The following LDHA variants were observed in gnomAD, a reference collection of about 807,000 sequenced individuals.
LDHA encodes the protein lactate dehydrogenase A.
In LDHA, 10 loss-of-function variants were observed where a neutral mutation model predicts 36.3. The ratio of observed to expected loss-of-function variants is 0.28; its 90% CI spans 0.17 to 0.47. The LOEUF (loss-of-function observed/expected upper bound fraction) is 0.47. Among genes scored for constraint, LDHA ranks in the 20% least tolerant of loss-of-function variants. LDHA has a pLI of 0.99. For missense variants in LDHA, 267 were observed against 405.8 expected, an observed-to-expected ratio of 0.66 and a Z score of 2.94; for synonymous variants, 110 against 136.7, an observed-to-expected ratio of 0.80 and a Z score of 1.36.
chr11:18,405,331 G>GTA, intron 6 of LDHA, 118 bp from the exon 7 acceptor site: 2 of 1,009,382 alleles, frequency 2.0e-6, no homozygotes, highest in Non-Finnish European at 3.1e-6. Context: ...GTTATTCTTG[G>GTA]TATAATGCAA....
chr11:18,406,851 T>G, intron 7 of LDHA: 1 of 369,132 alleles, frequency 2.7e-6, no homozygotes, highest in South Asian at 2.7e-5. Flanking sequence ...CCATCTGTAC[T>G]AAACATACAA....
chr11:18,403,872 G>T, intron 6 of LDHA, 61 bp downstream of exon 6: 1 of 993,036 alleles, frequency 1.0e-6, no homozygotes, highest in Non-Finnish European at 1.6e-6. Flanking sequence ...TATTTAAAAG[G>T]TTAAAATTGT....
At position 18,408,396 on chromosome 11, in the gene LDHA, A is replaced by G. The variant is rs1036588178; in HGVS notation, c.*1115A>G. 1 of 347,436 alleles carries G rather than the reference A, an allele frequency of 2.9e-6. No homozygotes were observed. Among genetic ancestry groups the G allele is most frequent in the South Asian group, 2.3e-5 (1 of 43,612 alleles). 21.5% of individuals were successfully genotyped at this position (347,436 alleles called of 1,614,324 possible). A position where few individuals can be genotyped will look rare whatever the true frequency, so the allele number is the denominator to read the frequency against. ...GGATGTCTACTCAAGTTTTCTGCAC[A>G]TTTTTCTGAAAATACAACTGTGACC... is the stretch of plus-strand genomic sequence containing the variant. On this transcript the variant is annotated 3_prime_UTR_variant, in exon 8 of 8. Coordinates refer to ENST00000422447, the MANE Select transcript of LDHA (RefSeq NM_005566.4).
Position 18,402,991 on chromosome 11 carries a change from T to C in LDHA, c.570T>C (p.Leu190=), listed in dbSNP as rs1221004897. The change falls in exon 5 of 8, where the codon CTT becomes CTC. Residue 190 remains leucine, a synonymous_variant. Transcript: ENST00000422447. The stretch of plus-strand genomic sequence containing the variant: ...CATTAAGCTGTCATGGGTGGGTCCT[T>C]GGGGAACATGGAGATTCCAGTGGTA... ...VHPLSCHGWV[L]GEHGDSSVPV... 5 of 1,613,464 alleles carry C rather than the reference T, an allele frequency of 3.1e-6. No homozygotes were observed. In the Admixed American group the frequency reaches 8.3e-5, roughly 27 times the overall value.
chr11:18,408,409 T>TA lies in LDHA; in HGVS notation c.*1129dup, dbSNP rs1432932725. ...AGTTTTCTGCACATTTTTCTGAAAA[T>TA]ACAACTGTGACCCTTATCCAGGCCT... is the stretch of plus-strand genomic sequence containing the variant. On this transcript the variant is annotated 3_prime_UTR_variant, in exon 8 of 8. Transcript: ENST00000422447. 2 of 347,758 alleles carry TA rather than the reference T, an allele frequency of 5.8e-6. No individual in the cohort carries two copies. Among genetic ancestry groups the TA allele is most frequent in the Non-Finnish European group, 1.1e-5 (2 of 178,476 alleles). The allele number at this position is 347,758 out of a possible 1,614,324, so 21.5% of individuals were successfully genotyped here. A position where few individuals can be genotyped will look rare whatever the true frequency, so the allele number is the denominator to read the frequency against.
intron 1 of LDHA, chr11:18,396,280 A>G (rs1050315915): frequency 4.7e-5 from 17 of 362,688 alleles, no homozygotes; most frequent in Admixed American, 9.3e-5. Flanking sequence ...GCGGGGCGTA[A>G]AAGCCGGGCG....
rs1278954062 is a variant in LDHA, at chr11:18,407,979, T to C, written c.*698T>C. The C allele has an allele frequency of 2.2e-6, 1 of 454,142 alleles. No homozygotes were observed. The highest frequency in any genetic ancestry group is 1.6e-5 in the South Asian group (1 of 64,482). The allele number at this position is 454,142 out of a possible 1,614,324, so 28.1% of individuals were successfully genotyped here. ...TTCTAACAGGGATATTATTGACTAA[T>C]AGCAGAGGATGTAATAGTCAACTGA... On this transcript the variant is annotated 3_prime_UTR_variant, in exon 8 of 8. Transcript: ENST00000422447.
intron 2 of LDHA, chr11:18,397,170 G>T: frequency 1.9e-6 from 1 of 532,044 alleles, no homozygotes; most frequent in Non-Finnish European, 3.3e-6. Flanking sequence ...ATCAAAGGTT[G>T]TCAGGCTGGA....
intron 1 of LDHA, 162 bp from the exon 2 acceptor site, chr11:18,396,655 ACT>A: frequency 7.2e-7 from 1 of 1,393,624 alleles, no homozygotes; most frequent in Non-Finnish European, 9.4e-7. Context: ...AGGCCTTTCA[ACT>A]CTCTTTTGGC....
intron 4 of LDHA, chr11:18,402,564 T>C: frequency 2.7e-6 from 1 of 375,756 alleles, no homozygotes; most frequent in Admixed American, 3.8e-5. Context: ...TCCCAAAGTG[T>C]TGGGATAACA....
chr11:18,400,868 C>T lies in LDHA; in HGVS notation c.276C>T (p.Val92=). 6.2e-7 allele frequency: 1 copy of T among 1,613,524 alleles called. No homozygotes were observed. The highest frequency in any genetic ancestry group is 1.1e-5 in the South Asian group (1 of 91,044). The change falls in exon 4 of 8, where the codon GTC becomes GTT. Residue 92 remains valine (V), a synonymous_variant. Coordinates refer to ENST00000422447, the MANE Select transcript of LDHA (RefSeq NM_005566.4). ...ATGTAACTGCAAACTCCAAGCTGGT[C>T]ATTATCACGGCTGGGGCACGTCAGC... ...DYNVTANSKL[V]IITAGARQQE...
intron 4 of LDHA, among the ~76,000 whole-genome samples, chr11:18,402,045 C>A (rs1010008699): frequency 7.0e-6 from 1 of 143,700 alleles, no homozygotes; most frequent in African/African-American, 2.6e-5. Flanking sequence ...CAACCTCTGC[C>A]TCCTGGGTTC....
chr11:18,407,343 T>G lies in LDHA; in HGVS notation c.*62T>G. On this transcript the variant is annotated 3_prime_UTR_variant, in exon 8 of 8. Coordinates refer to ENST00000422447, the MANE Select transcript of LDHA (RefSeq NM_005566.4). ...ACAACAGGATTCTAGGTGGAGGTTG[T>G]GCATGTTGTCCTTTTTATCTGATCT... is the stretch of plus-strand genomic sequence containing the variant. 8 of 1,611,818 alleles carry G rather than the reference T, an allele frequency of 5.0e-6. No individual in the cohort carries two copies. The highest frequency in any genetic ancestry group is 6.8e-6 in the Non-Finnish European group (8 of 1,179,634).
At chr11:18,403,598 A>G in intron 5 of LDHA, 96 bp from the exon 6 acceptor site, 1 of 857,604 alleles carries the variant, frequency 1.2e-6, no homozygotes, top group Non-Finnish European at 2.0e-6. Flanking sequence ...AAAATTGAGT[A>G]TTCTTCCTCC....
chr11:18,403,070 G>A, intron 5 of LDHA, 57 bp downstream of exon 5: 2 of 1,431,298 alleles, frequency 1.4e-6, no homozygotes, highest in Non-Finnish European at 2.0e-6. Context: ...AAGTCGATGG[G>A]CATTATATTA....
At chr11:18,396,381 G>C in intron 1 of LDHA, 1 of 401,096 alleles carries the variant, frequency 2.5e-6, no homozygotes, top group Non-Finnish European at 4.4e-6. Context: ...GATCACCGCA[G>C]GCTCCTGTGC....
Position 18,403,682 on chromosome 11 carries a change from T to C in LDHA, c.593-12T>C, listed in dbSNP as rs1301780988. ...ACATGAAAATAAATGTAGTCTGTAC[T>C]ATTTCTTTTAGTGCCTGTATGGAGT... is the stretch of plus-strand genomic sequence containing the variant. On this transcript the variant is annotated splice_polypyrimidine_tract_variant and intron_variant, in intron 5 of 7. Transcript: ENST00000422447. The C allele has an allele frequency of 1.4e-6, 2 of 1,413,424 alleles. No individual in the cohort carries two copies. The highest frequency in any genetic ancestry group is 1.2e-5 in the South Asian group (1 of 86,834). The allele number at this position is 1,413,424 out of a possible 1,614,324, so 87.6% of individuals were successfully genotyped here.
chr11:18,396,810 CT>C lies in LDHA; in HGVS notation c.-24-8del. On this transcript the variant is annotated splice_polypyrimidine_tract_variant and splice_region_variant and intron_variant, in intron 1 of 7. Transcript: ENST00000422447. ...GCTGTAGTGACACTAAATGTTTTTC[CT>C]CCTATAGATTCCTTTTGGTTCCAAG... The C allele has an allele frequency of 6.3e-7, 1 of 1,591,324 alleles. No homozygotes were observed. The highest frequency in any genetic ancestry group is 1.4e-5 in the African/African-American group (1 of 73,826).
rs1240595407 is a variant in LDHA at position 18,408,208 on chromosome 11, T to A, written c.*927T>A. The stretch of plus-strand genomic sequence containing the variant: ...AAGCTGGTAACAATTAAAAACAATC[T>A]TAAGGCAGGGTGCAGTGGCTCATGC... On this transcript the variant is annotated 3_prime_UTR_variant, in exon 8 of 8. Coordinates refer to ENST00000422447, the MANE Select transcript of LDHA (RefSeq NM_005566.4). 2.2e-6 allele frequency: 1 copy of A among 454,058 alleles called. No homozygotes were observed. The highest frequency in any genetic ancestry group is 4.4e-6 in the Non-Finnish European group (1 of 226,786). The allele number at this position is 454,058 out of a possible 1,614,324, so 28.1% of individuals were successfully genotyped here. A position where few individuals can be genotyped will look rare whatever the true frequency, so the allele number is the denominator to read the frequency against.
Sources: gnomAD v4.1 joint callset for allele counts (sites outside exome capture counted in the v4.1 genomes callset) on GRCh38, gnomAD v4.1.1 for gene constraint, MANE v1.5 for transcripts, NCBI Gene and HGNC (gene_info 2026-07-23, HGNC 2026-07-21) for gene names.